The following GLIS3 variants were observed in gnomAD, a reference collection of about 807,000 sequenced individuals.
The protein encoded by GLIS3 is zinc finger protein GLIS3.
GLIS3 carries 53 observed loss-of-function variants against 78.6 expected under a neutral mutation model. The observed-to-expected ratio is 0.67, with a 90% CI of 0.54 to 0.85. GLIS3 has a LOEUF of 0.85. GLIS3 is among the 40% of genes least tolerant of loss of function. The pLI, the probability that GLIS3 is intolerant of heterozygous loss-of-function variation, is 0.00. For synonymous variants in GLIS3, 684 were observed against 509.9 expected, an observed-to-expected ratio of 1.34 and a Z score of -4.60; for missense variants, 1,703 against 1,231.1, an observed-to-expected ratio of 1.38 and a Z score of -5.74.
At chr9:4,452,243 T>C in the GLIS3 span, among the ~76,000 whole-genome samples, 1 of 152,140 alleles carries the variant, frequency 6.6e-6, no homozygotes, top group East Asian at 1.9e-4. Context: ...ACTGGAAGCA[T>C]TCCTTTTGAA....
intron 4 of GLIS3, among the ~76,000 whole-genome samples, chr9:4,043,514 G>A (rs1168999050): frequency 6.6e-6 from 1 of 152,032 alleles, no homozygotes; most frequent in East Asian, 1.9e-4. Context: ...AGGAAGGGCT[G>A]GGAAGGGGCC....
intron 4 of GLIS3, among the ~76,000 whole-genome samples, chr9:4,088,270 C>G (rs1005330969): frequency 2.0e-5 from 3 of 152,250 alleles, no homozygotes; most frequent in Non-Finnish European, 4.4e-5. Context: ...TGGGAGAAGG[C>G]ATTGGTTTTT....
chr9:4,374,115 C>T, the GLIS3 span, among the ~76,000 whole-genome samples: 2 of 152,288 alleles, frequency 1.3e-5, no homozygotes, highest in East Asian at 3.9e-4. Flanking sequence ...CTGTATTCCT[C>T]TATTTAATTT....
chr9:4,191,994 G>A (rs1405092098), intron 2 of GLIS3, among the ~76,000 whole-genome samples: 1 of 152,078 alleles, frequency 6.6e-6, no homozygotes, highest in African/African-American at 2.4e-5. Context: ...TCTCTAAAAT[G>A]TGTCTATATA....
In GLIS3 at chr9:3,829,567, A is replaced by G. The variant is rs1817928981; in HGVS notation, c.2474-75T>C. On this transcript the variant is annotated intron_variant, in intron 9 of 10. Coordinates refer to ENST00000381971, the MANE Select transcript of GLIS3 (RefSeq NM_001042413.2). ...CACAGATCATTCCAACCCAGCTAGA[A>G]CCTCACTCAGCCTGGCTTCCTAAGA... 11 of 1,500,982 alleles carry G rather than the reference A, an allele frequency of 7.3e-6. No individual in the cohort carries two copies. The East Asian group carries it at 2.5e-4, about 34-fold the overall frequency. 93.0% of individuals were successfully genotyped at this position (1,500,982 alleles called of 1,614,324 possible).
chr9:4,250,414 T>C (rs1824254608), intron 2 of GLIS3, among the ~76,000 whole-genome samples: 2 of 152,234 alleles, frequency 1.3e-5, no homozygotes, highest in South Asian at 2.1e-4. Context: ...GAGGTGTTTA[T>C]AGTATTCTCT....
the GLIS3 span, among the ~76,000 whole-genome samples, chr9:4,437,456 CTATCTATCTAT>C: frequency 9.3e-6 from 1 of 107,454 alleles, no homozygotes; most frequent in Non-Finnish European, 2.3e-5. Context: ...ATCTATCTAT[CTATCTATCTAT>C]CTATATATCA....
chr9:4,347,256 G>C (rs1179075236), intron 1 of GLIS3: 1 of 152,138 alleles, frequency 6.6e-6, no homozygotes, highest in African/African-American at 2.4e-5. Flanking sequence ...GCTCTCATGG[G>C]AACTAATAGA....
intron 4 of GLIS3, among the ~76,000 whole-genome samples, chr9:3,954,444 T>C (rs1816951896): frequency 6.6e-6 from 1 of 152,228 alleles, no homozygotes. Flanking sequence ...AGTAACAGAA[T>C]AGCTGCCCCG....
At chr9:3,979,776 G>A (rs1819097442) in intron 4 of GLIS3, among the ~76,000 whole-genome samples, 2 of 152,108 alleles carry the variant, frequency 1.3e-5, no homozygotes, top group South Asian at 4.1e-4. Flanking sequence ...CATTGAAAAA[G>A]ATAATTATTG....
intron 6 of GLIS3, among the ~76,000 whole-genome samples, chr9:3,925,189 C>T (rs980191933): frequency 1.3e-5 from 2 of 152,188 alleles, no homozygotes; most frequent in Non-Finnish European, 2.9e-5. Flanking sequence ...TATAAGACTA[C>T]TCCTTAACAA....
the GLIS3 span, among the ~76,000 whole-genome samples, chr9:4,361,904 T>C: frequency 1.3e-5 from 2 of 152,220 alleles, no homozygotes; most frequent in East Asian, 3.8e-4. Context: ...ATGTTGTTTT[T>C]GCAAGTTTGG....
At chr9:3,869,489 G>A (rs1820835823) in intron 8 of GLIS3, among the ~76,000 whole-genome samples, 1 of 152,194 alleles carries the variant, frequency 6.6e-6, no homozygotes, top group African/African-American at 2.4e-5. Context: ...ATGGATGGTG[G>A]CAAGGTACTC....
intron 6 of GLIS3, among the ~76,000 whole-genome samples, chr9:3,912,542 C>G (rs1323781227): frequency 6.6e-6 from 1 of 152,144 alleles, no homozygotes; most frequent in Non-Finnish European, 1.5e-5. Context: ...AGCTGAGGTT[C>G]AAAAGGATGT....
the GLIS3 span, among the ~76,000 whole-genome samples, chr9:4,408,682 A>G: frequency 1.8e-3 from 240 of 131,990 alleles, 2 homozygotes; most frequent in Non-Finnish European, 2.5e-3. Context: ...AGCCGAGATC[A>G]CGCCACCGCA....
chr9:3,929,339 T>G (rs942969902), intron 6 of GLIS3, among the ~76,000 whole-genome samples: 1 of 151,470 alleles, frequency 6.6e-6, no homozygotes, highest in Non-Finnish European at 1.5e-5. Context: ...TGCAGAAGAG[T>G]TTTTTTTTCT....
At chr9:4,179,417 T>C (rs948385188) in intron 2 of GLIS3, among the ~76,000 whole-genome samples, 4 of 152,132 alleles carry the variant, frequency 2.6e-5, no homozygotes, top group African/African-American at 9.7e-5. Context: ...AAGATTCCCT[T>C]ATGTAGGTAG....
chr9:4,191,661 C>T (rs1489708756), intron 2 of GLIS3, among the ~76,000 whole-genome samples: 2 of 152,152 alleles, frequency 1.3e-5, no homozygotes, highest in Middle Eastern at 3.4e-3. Context: ...GGCCTTCTGC[C>T]TTACAGTTAG....
At chr9:4,002,602 A>G (rs1388611383) in intron 4 of GLIS3, among the ~76,000 whole-genome samples, 1 of 152,136 alleles carries the variant, frequency 6.6e-6, no homozygotes, top group Non-Finnish European at 1.5e-5. Flanking sequence ...CCTGTGACAG[A>G]GGCTATTGAT....
Sources: allele counts gnomAD v4.1 joint callset (sites outside exome capture counted in the v4.1 genomes callset), GRCh38; gene constraint gnomAD v4.1.1; transcripts MANE v1.5; gene names NCBI Gene and HGNC (gene_info 2026-07-23, HGNC 2026-07-21).